Variants in PCSK5 observed in about 807,000 individuals in gnomAD.
The protein encoded by PCSK5 is proprotein convertase subtilisin/kexin type 5, also known as prohormone convertase 5.
A neutral mutation model predicts 233.2 loss-of-function variants in PCSK5; 129 were observed. That is an observed-to-expected ratio of 0.55 (90% CI 0.48 to 0.64). PCSK5 has a LOEUF of 0.64. Among genes scored for constraint, PCSK5 ranks in the 30% least tolerant of loss-of-function variants. The pLI is 0.00. For missense variants in PCSK5, 2,076 were observed against 2,430.1 expected (o/e 0.85, Z 3.06); for synonymous variants, 825 against 879.2 (o/e 0.94, Z 1.09).
chr9:75,946,376 A>G (rs771722224), intron 2 of PCSK5, among the ~76,000 whole-genome samples: 8 of 152,194 alleles, frequency 5.3e-5, no homozygotes, highest in Non-Finnish European at 1.2e-4. Context: ...AGTGGCTATT[A>G]GCATGCCACT....
chr9:76,129,574 T>C (rs1032406005), intron 9 of PCSK5, among the ~76,000 whole-genome samples: 1 of 152,130 alleles, frequency 6.6e-6, no homozygotes, highest in Non-Finnish European at 1.5e-5. Context: ...TGGTTATTTT[T>C]TTCTCCTTAA....
chr9:76,360,330 T>C lies in PCSK5; in HGVS notation c.*1408T>C, dbSNP rs1411859267. On this transcript the variant is annotated 3_prime_UTR_variant, in exon 38 of 38. Transcript: ENST00000674117. ...TGGTATTGCTATTATTCTGTTCTTG[T>C]AGGAAACCTGAGGCTTACAAGAGGT... 2 of 152,132 alleles carry C rather than the reference T, an allele frequency of 1.3e-5. No individual in the cohort carries two copies. Among genetic ancestry groups the C allele is most frequent in the Non-Finnish European group, 2.9e-5 (2 of 68,024 alleles). The allele number at this position is 152,132 out of a possible 1,614,324, so 9.4% of individuals were successfully genotyped here.
At position 76,158,896 on chromosome 9, in the gene PCSK5, A is replaced by C. The variant is rs113926828; in HGVS notation, c.1431-87A>C. On this transcript the variant is annotated intron_variant, in intron 11 of 37. Transcript: ENST00000674117. ...TCCAGCTATCAGCTGCTTATCTTAC[A>C]TTGTGTATTTATTCCATGCCTCCAG... 20 of 1,083,520 alleles carry C rather than the reference A, an allele frequency of 1.8e-5. No individual in the cohort carries two copies. The African/African-American group carries it at 2.5e-4, about 13-fold the overall frequency. 67.1% of individuals were successfully genotyped at this position (1,083,520 alleles called of 1,614,324 possible).
At chr9:75,916,218 A>G (rs953408766) in intron 1 of PCSK5, among the ~76,000 whole-genome samples, 2 of 152,228 alleles carry the variant, frequency 1.3e-5, no homozygotes, top group African/African-American at 4.8e-5. Flanking sequence ...TTTAGCATTT[A>G]GCCTATTTAG....
intron 24 of PCSK5, among the ~76,000 whole-genome samples, chr9:76,290,651 G>A (rs1828250166): frequency 6.6e-6 from 1 of 152,198 alleles, no homozygotes; most frequent in South Asian, 2.1e-4. Context: ...AGACACCTGT[G>A]TCCCCTAGCA....
intron 8 of PCSK5, among the ~76,000 whole-genome samples, chr9:76,102,237 C>T (rs912570354): frequency 1.3e-5 from 2 of 152,090 alleles, no homozygotes; most frequent in African/African-American, 4.8e-5. Flanking sequence ...ACTGACGAGC[C>T]CTTTTGTAGC....
intron 5 of PCSK5, among the ~76,000 whole-genome samples, chr9:76,034,045 G>T (rs1828753047): frequency 6.6e-6 from 1 of 152,146 alleles, no homozygotes; most frequent in Non-Finnish European, 1.5e-5. Context: ...GGTTCACGAT[G>T]CATTACACTG....
chr9:76,172,920 T>G (rs1307766245), intron 13 of PCSK5, among the ~76,000 whole-genome samples: 1 of 152,144 alleles, frequency 6.6e-6, no homozygotes, highest in African/African-American at 2.4e-5. Flanking sequence ...ACTGGTCCAA[T>G]GTAAAAGTCA....
chr9:76,189,262 TA>T, intron 19 of PCSK5, 39 bp downstream of exon 19: 2 of 1,579,260 alleles, frequency 1.3e-6, no homozygotes, highest in Non-Finnish European at 1.7e-6. Flanking sequence ...CATTTAGACC[TA>T]AGTTCTTTTG....
At chr9:76,279,370 C>T (rs896501969) in intron 24 of PCSK5, among the ~76,000 whole-genome samples, 2 of 149,492 alleles carry the variant, frequency 1.3e-5, no homozygotes, top group Admixed American at 6.6e-5. Flanking sequence ...CCGCAATAAA[C>T]ATACGTGTGC....
intron 2 of PCSK5, among the ~76,000 whole-genome samples, chr9:75,968,872 T>G (rs1825702459): frequency 6.6e-6 from 1 of 152,228 alleles, no homozygotes; most frequent in Non-Finnish European, 1.5e-5. Context: ...TATTATAGAC[T>G]TGATTATTTA....
chr9:76,329,450 A>G (rs1396261652), intron 33 of PCSK5, among the ~76,000 whole-genome samples: 2 of 152,070 alleles, frequency 1.3e-5, no homozygotes, highest in East Asian at 3.9e-4. Flanking sequence ...ATGAACCACT[A>G]TGCCAGGCCC....
At chr9:76,146,662 C>G (rs1382922172) in intron 10 of PCSK5, among the ~76,000 whole-genome samples, 1 of 151,840 alleles carries the variant, frequency 6.6e-6, no homozygotes, top group Non-Finnish European at 1.5e-5. Context: ...CATATGTTTT[C>G]CCCCTTTATT....
chr9:75,917,389 G>A (rs1044919182), intron 1 of PCSK5, among the ~76,000 whole-genome samples: 1 of 152,178 alleles, frequency 6.6e-6, no homozygotes, highest in African/African-American at 2.4e-5. Context: ...GGGAACAAGT[G>A]TGTATGAAGG....
At chr9:75,998,863 G>A (rs1316647689) in intron 3 of PCSK5, among the ~76,000 whole-genome samples, 5 of 152,178 alleles carry the variant, frequency 3.3e-5, no homozygotes, top group Admixed American at 3.3e-4. Context: ...AGCCTAGTAT[G>A]TATCTGTTTA....
chr9:76,352,295 G>A (rs1268010611), intron 36 of PCSK5, among the ~76,000 whole-genome samples: 1 of 152,148 alleles, frequency 6.6e-6, no homozygotes, highest in Non-Finnish European at 1.5e-5. Context: ...AACCATCAGA[G>A]GTCACTCTCA....
chr9:76,127,292 A>G (rs1357839184), intron 9 of PCSK5, among the ~76,000 whole-genome samples: 1 of 152,230 alleles, frequency 6.6e-6, no homozygotes, highest in Non-Finnish European at 1.5e-5. Context: ...GGCTAGGCAA[A>G]TAAGTATACT....
At position 75,900,336 on chromosome 9, in the gene PCSK5, A is replaced by G. The variant is rs539471673; in HGVS notation, c.192+8963A>G. On this transcript the variant is annotated intron_variant, in intron 1 of 37. Coordinates refer to ENST00000674117, the MANE Select transcript of PCSK5 (RefSeq NM_001372043.1). Reference sequence around the variant, plus strand: ...AGGATGAGTTAAAAGTAGCTAGAATAGTATCTGACACACAAATACTCTGTA... The same window carrying G: ...AGGATGAGTTAAAAGTAGCTAGAATGGTATCTGACACACAAATACTCTGTA... Among the ~76,000 whole-genome samples, 3 of 152,316 alleles carry G rather than the reference A, an allele frequency of 2.0e-5. No individual in the cohort carries two copies. In the South Asian group the frequency reaches 6.2e-4, roughly 32 times the overall value.
At chr9:76,248,404 T>A (rs1826687489) in intron 24 of PCSK5, among the ~76,000 whole-genome samples, 1 of 152,062 alleles carries the variant, frequency 6.6e-6, no homozygotes, top group South Asian at 2.1e-4. Context: ...AATCCATGCA[T>A]CAATAGTGAA....
Sources: gnomAD v4.1 joint callset for allele counts (sites outside exome capture counted in the v4.1 genomes callset) on GRCh38, gnomAD v4.1.1 for gene constraint, MANE v1.5 for transcripts, NCBI Gene and HGNC (gene_info 2026-07-23, HGNC 2026-07-21) for gene names.